Variants in GPM6A observed in about 807,000 individuals in gnomAD.
The protein encoded by GPM6A is glycoprotein M6A.
In GPM6A, 7 loss-of-function variants were observed where a neutral mutation model predicts 32.1. The observed-to-expected ratio is 0.22, with a 90% confidence interval of 0.12 to 0.41. The LOEUF is 0.41. Among genes scored for constraint, GPM6A ranks in the 10% least tolerant of loss-of-function variants. The pLI, the probability that GPM6A is intolerant of heterozygous loss-of-function variation, is 1.00. For missense variants in GPM6A, 235 were observed against 347.2 expected, an observed-to-expected ratio of 0.68 and a Z score of 2.57; for synonymous variants, 130 against 123.4, an observed-to-expected ratio of 1.05 and a Z score of -0.35.
chr4:175,962,254 T>C (rs959254550), intron 1 of GPM6A: 8 of 1,356,308 alleles, frequency 5.9e-6, no homozygotes, highest in Middle Eastern at 2.2e-4. Context: ...CTATATGTCA[T>C]TGAAAACTCA....
At chr4:175,653,131 A>C (rs1162080818) in intron 3 of GPM6A, among the ~76,000 whole-genome samples, 2 of 152,156 alleles carry the variant, frequency 1.3e-5, no homozygotes, top group Non-Finnish European at 2.9e-5. Context: ...CTCATAATAT[A>C]TACTAAAATT....
chr4:175,692,537 C>G (rs763774227), intron 2 of GPM6A, among the ~76,000 whole-genome samples: 11 of 152,018 alleles, frequency 7.2e-5, no homozygotes, highest in Non-Finnish European at 1.0e-4. Flanking sequence ...TTTTTAGTGA[C>G]ACATTTTGCT....
intron 2 of GPM6A, among the ~76,000 whole-genome samples, chr4:175,688,158 C>T (rs1301743305): frequency 6.6e-6 from 1 of 152,118 alleles, no homozygotes; most frequent in East Asian, 1.9e-4. Flanking sequence ...CCCTTTCACT[C>T]TGTTGACTGT....
intron 1 of GPM6A, among the ~76,000 whole-genome samples, chr4:175,728,013 A>G (rs2111133219): frequency 6.6e-6 from 1 of 152,084 alleles, no homozygotes; most frequent in East Asian, 1.9e-4. Context: ...CAAAAAAAAA[A>G]AAAAAAAAAA....
chr4:175,990,950 G>A (rs1054445443), intron 1 of GPM6A, among the ~76,000 whole-genome samples: 3 of 151,894 alleles, frequency 2.0e-5, no homozygotes, highest in African/African-American at 4.8e-5. Flanking sequence ...CTTACAAATC[G>A]TATACTTGTA....
intron 1 of GPM6A, among the ~76,000 whole-genome samples, chr4:175,934,144 A>T (rs1739147713): frequency 6.6e-6 from 1 of 152,194 alleles, no homozygotes; most frequent in South Asian, 2.1e-4. Context: ...AGGGATGATG[A>T]TGATTACATG....
In GPM6A at chr4:175,849,128, A is replaced by T. The variant is rs75822988; in HGVS notation, c.-22-36879T>A. ...AAAAATGTTTCTTATCCAGACATAT[A>T]AGGTATGTTTCCTATCCAAAGGTAA... is the stretch of plus-strand genomic sequence containing the variant. On this transcript the variant is annotated intron_variant, in intron 1 of 7. Coordinates refer to the GPM6A transcript ENST00000280187. Among the ~76,000 whole-genome samples the T allele has an allele frequency of 8.1e-3, 1,227 of 152,294 alleles. 18 individuals carry two copies. The highest frequency in any genetic ancestry group is 0.028 in the African/African-American group (1,163 of 41,568).
chr4:175,674,256 C>A (rs2110986207), intron 2 of GPM6A, among the ~76,000 whole-genome samples: 1 of 152,278 alleles, frequency 6.6e-6, no homozygotes, highest in Non-Finnish European at 1.5e-5. Flanking sequence ...CGGCTCGCTG[C>A]AACTTCTGCC....
intron 1 of GPM6A, among the ~76,000 whole-genome samples, chr4:175,830,744 T>C (rs1312927019): frequency 6.6e-6 from 1 of 152,170 alleles, no homozygotes; most frequent in African/African-American, 2.4e-5. Flanking sequence ...CATGCCGCCA[T>C]TCTGTACTTA....
At chr4:175,776,942 T>C (rs1579488445) in intron 1 of GPM6A, among the ~76,000 whole-genome samples, 1 of 152,184 alleles carries the variant, frequency 6.6e-6, no homozygotes, top group South Asian at 2.1e-4. Flanking sequence ...GCAAGCCCTG[T>C]ATAAAGAAAA....
chr4:175,931,671 TACACACACACACACAC>T (rs376901123), intron 1 of GPM6A, among the ~76,000 whole-genome samples: 1 of 136,536 alleles, frequency 7.3e-6, no homozygotes, highest in Admixed American at 7.3e-5. Flanking sequence ...TTAAAAAATA[TACACACACACACACAC>T]ACACACACAC....
At chr4:175,850,041 C>A (rs1736204546) in intron 1 of GPM6A, among the ~76,000 whole-genome samples, 2 of 152,126 alleles carry the variant, frequency 1.3e-5, no homozygotes, top group African/African-American at 4.8e-5. Context: ...CATCCACCCT[C>A]ATGTGCTTCT....
At chr4:175,906,352 C>T (rs1014287815) in intron 1 of GPM6A, among the ~76,000 whole-genome samples, 6 of 152,124 alleles carry the variant, frequency 3.9e-5, no homozygotes, top group Admixed American at 6.6e-5. Context: ...GAATGTTTAG[C>T]AGTGAGCACT....
At chr4:175,717,998 T>C (rs1745928690) in intron 1 of GPM6A, among the ~76,000 whole-genome samples, 1 of 152,206 alleles carries the variant, frequency 6.6e-6, no homozygotes, top group Admixed American at 6.5e-5. Context: ...ATAGCATAAA[T>C]GTGCCCTCAC....
chr4:175,795,236 C>T (rs571459131), intron 1 of GPM6A, among the ~76,000 whole-genome samples: 2 of 152,266 alleles, frequency 1.3e-5, no homozygotes, highest in East Asian at 3.9e-4. Context: ...GTTGATTCAA[C>T]AGTCAGTTGA....
intron 1 of GPM6A, among the ~76,000 whole-genome samples, chr4:176,001,331 G>C (rs559925025): frequency 4.6e-5 from 7 of 152,312 alleles, no homozygotes; most frequent in Admixed American, 3.9e-4. Context: ...CTCGGGCTGC[G>C]GGCTGAACGC....
At chr4:175,789,566 C>T (rs897677715) in intron 1 of GPM6A, among the ~76,000 whole-genome samples, 3 of 152,032 alleles carry the variant, frequency 2.0e-5, no homozygotes, top group African/African-American at 7.2e-5. Flanking sequence ...TATGAGAAAT[C>T]AGGGAACATG....
chr4:175,742,866 G>A (rs946287160), intron 1 of GPM6A, among the ~76,000 whole-genome samples: 2 of 152,000 alleles, frequency 1.3e-5, no homozygotes, highest in African/African-American at 4.8e-5. Context: ...TAATTATTTA[G>A]CCAGGCATGG....
intron 1 of GPM6A, among the ~76,000 whole-genome samples, chr4:175,767,455 G>A (rs1287366870): frequency 6.6e-6 from 1 of 152,114 alleles, no homozygotes; most frequent in African/African-American, 2.4e-5. Context: ...CCCCTGACTG[G>A]GCAGCTTTAC....
Sources: allele counts gnomAD v4.1 joint callset (sites outside exome capture counted in the v4.1 genomes callset), GRCh38; gene constraint gnomAD v4.1.1; transcripts MANE v1.5; gene names NCBI Gene and HGNC (gene_info 2026-07-23, HGNC 2026-07-21).